ESPN: variants seen among roughly 807,000 people sequenced by gnomAD.
ESPN encodes espin, also known as autosomal recessive deafness type 36 protein.
ESPN carries 68 observed loss-of-function variants against 77.7 expected under a neutral mutation model. The ratio of observed to expected loss-of-function variants is 0.87; its 90% CI spans 0.72 to 1.07. The LOEUF is 1.07. ESPN is among the 50% of genes least tolerant of loss of function. ESPN has a pLI of 0.00. For synonymous variants in ESPN, 449 were observed against 567.1 expected, an observed-to-expected ratio of 0.79 and a Z score of 2.96; for missense variants, 1,060 against 1,239.0, an observed-to-expected ratio of 0.86 and a Z score of 2.17.
At chr1:6,440,903 G>T in intron 4 of ESPN, 31 bp from the exon 5 acceptor site, 1 of 1,544,666 alleles carries the variant, frequency 6.5e-7, no homozygotes, top group South Asian at 1.2e-5. Flanking sequence ...GCTCGCGGCC[G>T]CGGCCGGGTC....
At chr1:6,425,937 G>A (rs1643018566) in intron 1 of ESPN, among the ~76,000 whole-genome samples, 1 of 152,230 alleles carries the variant, frequency 6.6e-6, no homozygotes, top group Non-Finnish European at 1.5e-5. Flanking sequence ...GCAGAGCCCT[G>A]AGGCATGCAC....
At chr1:6,454,957 A>G (rs1190879460) in intron 10 of ESPN, 1 of 382,408 alleles carries the variant, frequency 2.6e-6, no homozygotes, top group East Asian at 3.8e-5. Flanking sequence ...GTCTCCGTGC[A>G]GCATCTCCGC....
chr1:6,455,115 G>C (rs995666384), intron 10 of ESPN: 1 of 386,530 alleles, frequency 2.6e-6, no homozygotes, highest in Non-Finnish European at 4.6e-6. Flanking sequence ...CGCCGCCGCC[G>C]CCCACGGCCC....
chr1:6,432,721 G>A (rs1643294778), intron 2 of ESPN, among the ~76,000 whole-genome samples: 1 of 152,234 alleles, frequency 6.6e-6, no homozygotes. Context: ...GGCCATGGGA[G>A]CAGCCAGGCT....
At chr1:6,457,477 C>A in intron 12 of ESPN, 105 bp downstream of exon 12, 1 of 1,383,534 alleles carries the variant, frequency 7.2e-7, no homozygotes, top group Non-Finnish European at 1.0e-6. Context: ...TGTCTCTTGG[C>A]CCTTGTAGCA....
chr1:6,449,537 C>CCT (rs777544118), intron 8 of ESPN, among the ~76,000 whole-genome samples: 31 of 152,294 alleles, frequency 2.0e-4, no homozygotes, highest in Non-Finnish European at 1.8e-4. Context: ...TCCCCCTGCC[C>CCT]GTCTATCCTG....
chr1:6,440,819 GC>G lies in ESPN; in HGVS notation c.858+14del. ...AACGGGGAGCTAGAGGTCAGCGCGG[GC>G]CCGGGGTGGGGGCGCGCGCCCTCTG... On this transcript the variant is annotated intron_variant, in intron 4 of 12. Coordinates refer to ENST00000645284, the MANE Select transcript of ESPN (RefSeq NM_031475.3). The G allele has an allele frequency of 6.8e-7, 1 of 1,468,614 alleles. No individual in the cohort carries two copies. Among genetic ancestry groups the G allele is most frequent in the Non-Finnish European group, 8.9e-7 (1 of 1,119,382 alleles). The allele number at this position is 1,468,614 out of a possible 1,614,324, so 91.0% of individuals were successfully genotyped here.
intron 12 of ESPN, among the ~76,000 whole-genome samples, chr1:6,458,742 C>A (rs1341716333): frequency 6.7e-6 from 1 of 150,064 alleles, no homozygotes; most frequent in Non-Finnish European, 1.5e-5. Flanking sequence ...ACCAGCCTGG[C>A]CAACATGGTG....
intron 12 of ESPN, among the ~76,000 whole-genome samples, chr1:6,457,737 TAGC>T (rs1644081928): frequency 6.6e-6 from 1 of 152,216 alleles, no homozygotes; most frequent in African/African-American, 2.4e-5. Context: ...AATTTTCTAG[TAGC>T]CACAGTGAAA....
chr1:6,436,610 T>C (rs1643445916), intron 2 of ESPN, among the ~76,000 whole-genome samples: 1 of 152,038 alleles, frequency 6.6e-6, no homozygotes, highest in Non-Finnish European at 1.5e-5. Flanking sequence ...ACTCAAGTGA[T>C]CCTACCTCCT....
chr1:6,432,106 G>C (rs774862502), intron 2 of ESPN, among the ~76,000 whole-genome samples: 2 of 152,166 alleles, frequency 1.3e-5, no homozygotes, highest in Non-Finnish European at 1.5e-5. Context: ...TTTGTGCAAG[G>C]CTTCATGGAG....
At chr1:6,444,804 C>G in intron 6 of ESPN, 122 bp downstream of exon 6, 1 of 1,171,792 alleles carries the variant, frequency 8.5e-7, no homozygotes, top group Non-Finnish European at 1.3e-6. Flanking sequence ...TCATCACTTG[C>G]TCTTAAACAT....
chr1:6,455,886 G>T, intron 10 of ESPN: 1 of 398,974 alleles, frequency 2.5e-6, no homozygotes, highest in Non-Finnish European at 4.4e-6. Flanking sequence ...GCCGGCCCCC[G>T]AAGAACAGGC....
intron 2 of ESPN, among the ~76,000 whole-genome samples, chr1:6,439,935 G>A (rs1643557817): frequency 6.6e-6 from 1 of 152,186 alleles, no homozygotes. Flanking sequence ...CTTGAACCCG[G>A]GAGGCAGAGG....
Position 6,453,005 on chromosome 1 carries a change from G to A in ESPN, c.2325+909G>A, listed in dbSNP as rs1467139773. On this transcript the variant is annotated intron_variant, in intron 10 of 12. Coordinates refer to ENST00000645284, the MANE Select transcript of ESPN (RefSeq NM_031475.3). Reference sequence around the variant, plus strand: ...CCTCCTGGGTTCAAGCGATTCTCCCGCCTCAGCCTCCCGAGTAGCTGGGAC... The same window carrying A: ...CCTCCTGGGTTCAAGCGATTCTCCCACCTCAGCCTCCCGAGTAGCTGGGAC... Among the ~76,000 whole-genome samples, 7 of 152,126 alleles carry A rather than the reference G, an allele frequency of 4.6e-5. No homozygotes were observed. The South Asian group carries it at 8.3e-4, about 18-fold the overall frequency.
At chr1:6,448,562 G>A in intron 7 of ESPN, 79 bp from the exon 8 acceptor site, 1 of 1,312,878 alleles carries the variant, frequency 7.6e-7, no homozygotes, top group Non-Finnish European at 1.0e-6. Flanking sequence ...TCCCCAGGAG[G>A]TGAAGAGCTG....
intron 5 of ESPN, 114 bp from the exon 6 acceptor site, chr1:6,444,367 G>C (rs1277345475): frequency 1.0e-6 from 1 of 963,480 alleles, no homozygotes; most frequent in Non-Finnish European, 1.6e-6. Flanking sequence ...CCCAGAGAGC[G>C]GTGTGGCTTG....
chr1:6,442,559 C>T (rs1376211843), intron 5 of ESPN, among the ~76,000 whole-genome samples: 1 of 119,434 alleles, frequency 8.4e-6, no homozygotes, highest in Non-Finnish European at 1.7e-5. Context: ...GGTGACAGAG[C>T]AAGACTCCTT....
chr1:6,431,264 TTCCCCGAAAGCC>T (rs1366953263), intron 2 of ESPN, among the ~76,000 whole-genome samples: 1 of 152,178 alleles, frequency 6.6e-6, no homozygotes, highest in East Asian at 1.9e-4. Flanking sequence ...AGGTGCCTCC[TTCCCCGAAAGCC>T]TCCCCTACCC....
Sources: gnomAD v4.1 joint callset for allele counts (sites outside exome capture counted in the v4.1 genomes callset) on GRCh38, gnomAD v4.1.1 for gene constraint, MANE v1.5 for transcripts, NCBI Gene and HGNC (gene_info 2026-07-23, HGNC 2026-07-21) for gene names.